The following CCDC186 variants were observed in gnomAD, a reference collection of about 807,000 sequenced individuals.
CCDC186 encodes the protein coiled-coil domain-containing protein 186.
CCDC186 carries 49 observed loss-of-function variants against 113.7 expected under a neutral mutation model. The observed-to-expected ratio is 0.43, with a 90% confidence interval of 0.34 to 0.55. The LOEUF (loss-of-function observed/expected upper bound fraction) is 0.55. CCDC186 is among the 20% of genes least tolerant of loss of function. The probability of loss-of-function intolerance (pLI) is 0.02; values close to 1 mark genes in which losing one functional copy is unlikely to be tolerated. For missense variants in CCDC186, 890 were observed against 1,011.1 expected, an observed-to-expected ratio of 0.88 and a Z score of 1.62; for synonymous variants, 355 against 345.8, an observed-to-expected ratio of 1.03 and a Z score of -0.30.
chr10:114,137,721 G>A (rs2031311271), intron 6 of CCDC186, among the ~76,000 whole-genome samples: 1 of 151,982 alleles, frequency 6.6e-6, no homozygotes, highest in South Asian at 2.1e-4. Flanking sequence ...TGACCAGCAT[G>A]GTGAAACCCC....
intron 1 of CCDC186, among the ~76,000 whole-genome samples, chr10:114,167,015 G>GTTTT (rs201434736): frequency 1.6e-5 from 2 of 127,224 alleles, no homozygotes; most frequent in African/African-American, 2.9e-5. Context: ...TTGCAAGCTG[G>GTTTT]TTTTTTTTTT....
Position 114,173,566 on chromosome 10 carries a change from G to A in CCDC186, c.-62+449C>T, listed in dbSNP as rs190114380. On this transcript the variant is annotated intron_variant, in intron 1 of 15. Coordinates refer to ENST00000369287, the MANE Select transcript of CCDC186 (RefSeq NM_018017.4). Reference sequence around the variant, plus strand: ...CAGTAATGGAAGTGTTTGGAAGAGGGTAACAAGTCTTCACAACAGTAAATA... The same window carrying A: ...CAGTAATGGAAGTGTTTGGAAGAGGATAACAAGTCTTCACAACAGTAAATA... Among the ~76,000 whole-genome samples the A allele has an allele frequency of 6.3e-4, 96 of 152,314 alleles. No individual in the cohort carries two copies. In the Middle Eastern group the frequency reaches 0.014, roughly 22 times the overall value.
intron 15 of CCDC186, among the ~76,000 whole-genome samples, chr10:114,125,622 C>G (rs1016260611): frequency 6.6e-6 from 1 of 152,160 alleles, no homozygotes; most frequent in Non-Finnish European, 1.5e-5. Context: ...GCAATCAAAA[C>G]TAATTATATG....
At position 114,169,289 on chromosome 10, in the gene CCDC186, G is replaced by A. The variant is rs892702175; in HGVS notation, c.-62+4726C>T. Among the ~76,000 whole-genome samples, 6 of 136,762 alleles carry A rather than the reference G, an allele frequency of 4.4e-5. No individual in the cohort carries two copies. In the Admixed American group the frequency reaches 4.7e-4, roughly 11 times the overall value. The allele number at this position is 136,762 out of a possible 152,430, so 89.7% of individuals were successfully genotyped here. A position where few individuals can be genotyped will look rare whatever the true frequency, so the allele number is the denominator to read the frequency against. The stretch of plus-strand genomic sequence containing the variant: ...AAATGGAGTCTCACTCTGTCACCCA[G>A]GCTGGAATGCAGTGGTGCCATCTTA... On this transcript the variant is annotated intron_variant, in intron 1 of 15. Transcript: ENST00000369287.
At chr10:114,164,102 GTATA>G (rs1554930661) in intron 1 of CCDC186, among the ~76,000 whole-genome samples, 1 of 101,092 alleles carries the variant, frequency 9.9e-6, no homozygotes, top group African/African-American at 4.3e-5. Flanking sequence ...GTGTGTGTGT[GTATA>G]TATATATATT....
chr10:114,158,193 G>A (rs911092692), intron 2 of CCDC186, among the ~76,000 whole-genome samples: 4 of 152,292 alleles, frequency 2.6e-5, no homozygotes, highest in East Asian at 3.9e-4. Context: ...CCCAAGTGGC[G>A]ATACTGCTAA....
intron 6 of CCDC186, among the ~76,000 whole-genome samples, chr10:114,141,254 T>C (rs1202164869): frequency 6.6e-6 from 1 of 152,148 alleles, no homozygotes; most frequent in Non-Finnish European, 1.5e-5. Flanking sequence ...TCCTGCCTCT[T>C]TGCATGCCTG....
At chr10:114,149,640 AGGGAAT>A (rs2031764861) in intron 4 of CCDC186, among the ~76,000 whole-genome samples, 1 of 140 alleles carries the variant, frequency 7.1e-3, no homozygotes, top group Non-Finnish European at 0.017. Context: ...AGGGGAGGGG[AGGGAAT>A]GCGAAGGAAG....
intron 1 of CCDC186, among the ~76,000 whole-genome samples, chr10:114,173,679 T>A (rs1277011985): frequency 6.6e-6 from 1 of 152,228 alleles, no homozygotes; most frequent in Non-Finnish European, 1.5e-5. Context: ...AGGGCTTGGC[T>A]GCAGTTCACA....
chr10:114,173,769 C>G (rs2032601963), intron 1 of CCDC186, among the ~76,000 whole-genome samples: 1 of 152,214 alleles, frequency 6.6e-6, no homozygotes, highest in African/African-American at 2.4e-5. Context: ...TCTTTGCCAC[C>G]TCCAAGGTCC....
chr10:114,164,092 GT>G (rs2032257843), intron 1 of CCDC186, among the ~76,000 whole-genome samples: 1 of 126,326 alleles, frequency 7.9e-6, no homozygotes, highest in African/African-American at 3.1e-5. Flanking sequence ...GTGTGTGTGT[GT>G]GTGTGTGTGT....
rs2030819853 is a variant in CCDC186, at chr10:114,124,304, G to T, written c.*839C>A. Reference sequence around the variant, plus strand: ...ATATGCTGGTTTCTTTTGGAAGCTGGTTCTTCATATTATCTTTACACAAGG... The same window carrying T: ...ATATGCTGGTTTCTTTTGGAAGCTGTTTCTTCATATTATCTTTACACAAGG... On this transcript the variant is annotated 3_prime_UTR_variant, in exon 16 of 16. Coordinates refer to ENST00000369287, the MANE Select transcript of CCDC186 (RefSeq NM_018017.4). The T allele has an allele frequency of 8.7e-6, 1 of 115,266 alleles. No homozygotes were observed. The allele number at this position is 115,266 out of a possible 1,614,324, so 7.1% of individuals were successfully genotyped here.
intron 6 of CCDC186, among the ~76,000 whole-genome samples, chr10:114,141,641 ACACGCACGCACACACATACACG>A (rs1239807305): frequency 1.3e-5 from 2 of 151,876 alleles, no homozygotes; most frequent in Non-Finnish European, 2.9e-5. Context: ...ACACACACAC[ACACGCACGCACACACATACACG>A]CACGCACGCA....
chr10:114,139,021 C>T (rs1408330238), intron 6 of CCDC186, among the ~76,000 whole-genome samples: 2 of 152,194 alleles, frequency 1.3e-5, no homozygotes, highest in Non-Finnish European at 2.9e-5. Context: ...ATGATCAATA[C>T]ATTATACTAT....
At chr10:114,160,860 A>G (rs534733433) in intron 2 of CCDC186, among the ~76,000 whole-genome samples, 6 of 152,242 alleles carry the variant, frequency 3.9e-5, no homozygotes, top group Non-Finnish European at 8.8e-5. Flanking sequence ...TAAAAACATC[A>G]TGTGTATAAC....
chr10:114,152,298 C>T (rs1341935408), intron 3 of CCDC186, among the ~76,000 whole-genome samples: 1 of 151,322 alleles, frequency 6.6e-6, no homozygotes, highest in East Asian at 1.9e-4. Flanking sequence ...GCTGTGATCC[C>T]ACCATGGTAC....
intron 2 of CCDC186, among the ~76,000 whole-genome samples, chr10:114,159,140 T>A (rs771553397): frequency 6.6e-6 from 1 of 152,100 alleles, no homozygotes; most frequent in Non-Finnish European, 1.5e-5. Context: ...ATCATACAAA[T>A]GTTTGGAAAA....
At chr10:114,127,076 C>T (rs533171551) in intron 14 of CCDC186, among the ~76,000 whole-genome samples, 1 of 152,246 alleles carries the variant, frequency 6.6e-6, no homozygotes, top group African/African-American at 2.4e-5. Flanking sequence ...CCTTGTACTA[C>T]TAGGTACTCA....
chr10:114,135,035 T>C lies in CCDC186; in HGVS notation c.1533A>G (p.Glu511=). The C allele has an allele frequency of 1.2e-6, 2 of 1,609,062 alleles. No homozygotes were observed. Among genetic ancestry groups the C allele is most frequent in the Non-Finnish European group, 8.5e-7 (1 of 1,178,834 alleles). The change falls in exon 10 of 16, where the codon GAA becomes GAG. Residue 511 remains glutamate (E), a synonymous_variant. Coordinates refer to ENST00000369287, the MANE Select transcript of CCDC186 (RefSeq NM_018017.4). ...ATAATTCATCTTCTGTTCTTAATCG[T>C]TCATCTTCTAGACATTTCACCTATC... ...LRTKVKCLED[E]RLRTEDELSK...
Sources: allele counts gnomAD v4.1 joint callset (sites outside exome capture counted in the v4.1 genomes callset), GRCh38; gene constraint gnomAD v4.1.1; transcripts MANE v1.5; gene names NCBI Gene and HGNC (gene_info 2026-07-23, HGNC 2026-07-21).